Variants in ZNF469 observed in about 807,000 individuals in gnomAD.
ZNF469 encodes zinc finger protein 469.
Under a neutral mutation model 1.0 loss-of-function variants are expected in ZNF469, and 1 was observed. The ratio of observed to expected loss-of-function variants is 1.00; its 90% confidence interval spans 0.35 to 4.73. The LOEUF is 4.73. ZNF469 is among the 30% of genes most tolerant of loss of function. ZNF469 has a pLI of 0.16. For missense variants in ZNF469, 6,100 were observed against 5,356.3 expected (o/e 1.14, Z -4.33); for synonymous variants, 2,703 against 2,363.4 (o/e 1.14, Z -4.17).
the ZNF469 span, among the ~76,000 whole-genome samples, chr16:88,295,813 G>T: frequency 6.6e-6 from 1 of 152,150 alleles, no homozygotes; most frequent in Non-Finnish European, 1.5e-5. Flanking sequence ...GATGTGCTGG[G>T]AACACCATCT....
chr16:88,125,669 A>G, the ZNF469 span, among the ~76,000 whole-genome samples: 1 of 152,336 alleles, frequency 6.6e-6, no homozygotes, highest in African/African-American at 2.4e-5. Flanking sequence ...AAGGAGAAGG[A>G]TTTATATGAT....
At chr16:88,257,037 C>A in the ZNF469 span, among the ~76,000 whole-genome samples, 1 of 150,028 alleles carries the variant, frequency 6.7e-6, no homozygotes, top group South Asian at 2.1e-4. Context: ...CAACCTCCGC[C>A]TCCTAGGTTC....
the ZNF469 span, among the ~76,000 whole-genome samples, chr16:88,105,908 G>C: frequency 1.3e-3 from 200 of 152,366 alleles, 5 homozygotes; most frequent in East Asian, 0.034. Context: ...ACACCACCTT[G>C]TGTGTGGACA....
chr16:88,418,926 T>C (rs1046702206), intron 1 of ZNF469, among the ~76,000 whole-genome samples: 1 of 152,254 alleles, frequency 6.6e-6, no homozygotes, highest in African/African-American at 2.4e-5. Flanking sequence ...CGGCGAGGAC[T>C]ACAGACGGGA....
At chr16:88,375,072 G>T in the ZNF469 span, among the ~76,000 whole-genome samples, 5 of 152,250 alleles carry the variant, frequency 3.3e-5, no homozygotes, top group African/African-American at 9.6e-5. Context: ...GGACAGGCCC[G>T]AAGGCTGCAG....
chr16:88,379,788 G>A (rs1019833143), upstream of ZNF469, among the ~76,000 whole-genome samples: 6 of 151,982 alleles, frequency 3.9e-5, no homozygotes, highest in African/African-American at 1.4e-4. Flanking sequence ...CGGTGGCTCT[G>A]GGACAGGGGA....
chr16:88,249,202 C>A, the ZNF469 span, among the ~76,000 whole-genome samples: 41,519 of 147,298 alleles, frequency 0.28, 7,006 homozygotes, highest in Middle Eastern at 0.44. Context: ...AATATGCCGT[C>A]AATACCCACA....
chr16:88,214,516 A>G, the ZNF469 span, among the ~76,000 whole-genome samples: 2 of 149,830 alleles, frequency 1.3e-5, no homozygotes, highest in African/African-American at 4.9e-5. Flanking sequence ...TCTTTATTTT[A>G]TTATTATACT....
chr16:88,436,835 A>G lies in ZNF469; in HGVS notation c.9365A>G (p.Gln3122Arg), dbSNP rs376055908. Residue 3122 changes from glutamine to arginine, a missense_variant, in exon 3 of 3, where the codon CAG becomes CGG. Physicochemically the swap from Gln to Arg is conservative, Grantham distance 43. Coordinates refer to ENST00000565624, the MANE Select transcript of ZNF469 (RefSeq NM_001367624.2). ...TCCTACAAGTGCAAAGTGTGCTTCC[A>G]GCGCTTCCGCAGCCTGGGCGAGCTG... ...RASYKCKVCF[Q>R]RFRSLGELDL... 1.8e-5 allele frequency: 27 copies of G among 1,535,374 alleles called. No homozygotes were observed. In the African/African-American group the frequency reaches 3.6e-4, roughly 20 times the overall value.
the ZNF469 span, among the ~76,000 whole-genome samples, chr16:88,179,396 C>T: frequency 2.0e-5 from 3 of 152,338 alleles, no homozygotes; most frequent in African/African-American, 7.2e-5. Context: ...GCACACATGG[C>T]TCCCCTTCAC....
rs1038716489 is a variant in ZNF469 at position 88,437,624 on chromosome 16, G to A, written c.10154G>A (p.Gly3385Asp). Reference sequence around the variant, plus strand: ...CACGGGGAGCTGCTGGCACACCTGGGCGGGGCGCACGGGCTGCTGGAGCGG... The same window carrying A: ...CACGGGGAGCTGCTGGCACACCTGGACGGGGCGCACGGGCTGCTGGAGCGG... ...PEHGELLAHLGGAHGLLERPE... is the reference protein window; with the variant it reads ...PEHGELLAHLDGAHGLLERPE... The change falls in exon 3 of 3, where the codon GGC becomes GAC. Residue 3385 changes from glycine to aspartate, a missense_variant. Gly to Asp is a moderately conservative substitution (Grantham distance 94). Transcript: ENST00000565624. 6.5e-7 allele frequency: 1 copy of A among 1,540,920 alleles called. No individual in the cohort carries two copies. Among genetic ancestry groups the A allele is most frequent in the Non-Finnish European group, 8.8e-7 (1 of 1,140,090 alleles).
the ZNF469 span, among the ~76,000 whole-genome samples, chr16:88,146,283 G>A: frequency 6.6e-6 from 1 of 152,296 alleles, no homozygotes; most frequent in Non-Finnish European, 1.5e-5. Context: ...AGGGACCCTC[G>A]CTGCGGGCCA....
At chr16:88,408,405 G>C (rs1420108445) in intron 1 of ZNF469, among the ~76,000 whole-genome samples, 1 of 152,248 alleles carries the variant, frequency 6.6e-6, no homozygotes, top group Non-Finnish European at 1.5e-5. Flanking sequence ...GCCCACCTTG[G>C]CCTCCCAAAG....
At chr16:88,183,110 A>T in the ZNF469 span, among the ~76,000 whole-genome samples, 1 of 152,248 alleles carries the variant, frequency 6.6e-6, no homozygotes, top group South Asian at 2.1e-4. Flanking sequence ...AATACCTAAG[A>T]TGTTTAACAT....
At chr16:88,197,676 G>A in the ZNF469 span, among the ~76,000 whole-genome samples, 56 of 152,322 alleles carry the variant, frequency 3.7e-4, no homozygotes, top group African/African-American at 1.3e-3. Flanking sequence ...ACGATGGTGT[G>A]GGCCTTGTGG....
At chr16:88,279,611 C>T in the ZNF469 span, among the ~76,000 whole-genome samples, 1 of 110,266 alleles carries the variant, frequency 9.1e-6, no homozygotes, top group Non-Finnish European at 1.8e-5. Context: ...TATCAGTGCA[C>T]GGTTAGTGCC....
rs780217260 is a variant in ZNF469, at chr16:88,429,267, C to T, written c.1797C>T (p.Asn599=). ...SESPLPSPAT[N]TAGSTCSSLS... is the part of the protein sequence containing the mutation. ...CCCCACTGCCGTCACCGGCCACCAACACGGCCGGCAGCACCTGCTCTTCCC... is the reference window on the plus strand; with the variant it reads ...CCCCACTGCCGTCACCGGCCACCAATACGGCCGGCAGCACCTGCTCTTCCC... Residue 599 remains asparagine, a synonymous_variant, in exon 3 of 3, where the codon AAC becomes AAT. Coordinates refer to ENST00000565624, the MANE Select transcript of ZNF469 (RefSeq NM_001367624.2). 1.4e-5 allele frequency: 21 copies of T among 1,549,760 alleles called. No homozygotes were observed. The highest frequency in any genetic ancestry group is 1.7e-5 in the Non-Finnish European group (20 of 1,146,844).
chr16:88,334,056 G>T, the ZNF469 span, among the ~76,000 whole-genome samples: 1 of 151,044 alleles, frequency 6.6e-6, no homozygotes, highest in Non-Finnish European at 1.5e-5. Context: ...GTGTGTCTGT[G>T]TCTGTGTGTG....
the ZNF469 span, among the ~76,000 whole-genome samples, chr16:88,266,083 C>T: frequency 6.6e-6 from 1 of 152,250 alleles, no homozygotes; most frequent in Non-Finnish European, 1.5e-5. Context: ...GGCCTGAGTT[C>T]CGTGGGGATG....
Sources: gnomAD v4.1 joint callset for allele counts (sites outside exome capture counted in the v4.1 genomes callset) on GRCh38, gnomAD v4.1.1 for gene constraint, MANE v1.5 for transcripts, NCBI Gene and HGNC (gene_info 2026-07-23, HGNC 2026-07-21) for gene names.